The following CDH4 variants were observed in gnomAD, a reference collection of about 807,000 sequenced individuals.
CDH4 encodes the protein cadherin 4, also known as cadherin-4.
Under a neutral mutation model 86.0 loss-of-function variants are expected in CDH4, and 33 were observed. That is an observed-to-expected ratio of 0.38 (90% CI 0.29 to 0.51). The LOEUF (loss-of-function observed/expected upper bound fraction) is 0.51. CDH4 is among the 20% of genes least tolerant of loss of function. CDH4 has a pLI of 0.86. For synonymous variants in CDH4, 555 were observed against 549.4 expected (o/e 1.01, Z -0.14); for missense variants, 1,114 against 1,307.4 (o/e 0.85, Z 2.28).
At chr20:61,425,781 A>T (rs1163490307) in intron 2 of CDH4, among the ~76,000 whole-genome samples, 7 of 151,356 alleles carry the variant, frequency 4.6e-5, no homozygotes, top group Admixed American at 3.9e-4. Context: ...CGCCCAGGGC[A>T]GGATGGCCAA....
rs2087509965 is a variant in CDH4, at chr20:61,681,266, T to C, written c.170-62297T>C. 1.3e-5 allele frequency among the ~76,000 whole-genome samples: 2 copies of C among 152,214 alleles called. No homozygotes were observed. The highest frequency in any genetic ancestry group is 6.5e-5 in the Admixed American group (1 of 15,286). On this transcript the variant is annotated intron_variant, in intron 2 of 15. Coordinates refer to ENST00000614565, the MANE Select transcript of CDH4 (RefSeq NM_001794.5). The surrounding 1 kb of genome is among the most constrained non-coding windows in gnomAD (Gnocchi z 4.5). Reference sequence around the variant, plus strand: ...TACCTACAAATTGTATACAGTGCTTTAGGACTAAGTAGCTTTTTGCAAGGC... The same window carrying C: ...TACCTACAAATTGTATACAGTGCTTCAGGACTAAGTAGCTTTTTGCAAGGC...
intron 2 of CDH4, among the ~76,000 whole-genome samples, chr20:61,514,154 TTC>T (rs1322869126): frequency 2.0e-5 from 3 of 152,208 alleles, no homozygotes; most frequent in African/African-American, 7.2e-5. Flanking sequence ...GATCCAGCGA[TTC>T]TCTGATTTGC....
At chr20:61,525,604 G>A (rs564066043) in intron 2 of CDH4, among the ~76,000 whole-genome samples, 4 of 152,312 alleles carry the variant, frequency 2.6e-5, no homozygotes, top group Admixed American at 6.5e-5. Flanking sequence ...GAGGGGAAAC[G>A]GATTGATCAG....
At chr20:61,755,856 C>T (rs58215916) in intron 3 of CDH4, among the ~76,000 whole-genome samples, 11,114 of 152,238 alleles carry the variant, frequency 0.073, 500 homozygotes, top group South Asian at 0.22. Context: ...GAAACACATG[C>T]GCAGGTGTTG....
At chr20:61,424,835 G>A (rs998267246) in intron 2 of CDH4, among the ~76,000 whole-genome samples, 1 of 152,252 alleles carries the variant, frequency 6.6e-6, no homozygotes, top group African/African-American at 2.4e-5. Context: ...GCCCCCCACA[G>A]AGCAAGGCTT....
intron 2 of CDH4, among the ~76,000 whole-genome samples, chr20:61,299,889 G>T (rs78909187): frequency 6.6e-6 from 1 of 152,154 alleles, no homozygotes; most frequent in Non-Finnish European, 1.5e-5. Flanking sequence ...GCACTTCCCC[G>T]GGGGCATGAC....
intron 2 of CDH4, among the ~76,000 whole-genome samples, chr20:61,430,270 C>G (rs760511078): frequency 6.6e-6 from 1 of 152,196 alleles, no homozygotes; most frequent in African/African-American, 2.4e-5. Context: ...GCCTTCAGGG[C>G]CCTGCAGAGT....
rs1979839810 is a variant in CDH4, at chr20:61,801,711, C to T, written c.576+28529C>T. The stretch of plus-strand genomic sequence containing the variant: ...GCCCCACCTCTGTGGCTCCTGGCCC[C>T]TTGCTCTGTCTTCAAGGGCAGCAGC... On this transcript the variant is annotated intron_variant, in intron 4 of 15. Coordinates refer to ENST00000614565, the MANE Select transcript of CDH4 (RefSeq NM_001794.5). Among the ~76,000 whole-genome samples the T allele has an allele frequency of 2.0e-5, 3 of 152,334 alleles. No individual in the cohort carries two copies. In the East Asian group the frequency reaches 5.8e-4, roughly 29 times the overall value.
rs779404060 is a variant in CDH4, at chr20:61,936,825, G to C, written c.2633G>C (p.Gly878Ala). The change falls in exon 16 of 16, where the codon GGC becomes GCC. Residue 878 changes from glycine (G) to alanine (A), a missense_variant. Gly to Ala is a moderately conservative substitution (Grantham distance 60, BLOSUM62 0). Around this residue, in one of 3 missense-constraint regions of CDH4, gnomAD observed 188 missense variants for 183.8 expected, o/e 1.02. Transcript: ENST00000614565. Reference sequence around the variant, plus strand: ...TACGAGGGGAGCGGCTCCACCGCAGGCTCCGTCAGCTCCCTGAACTCATCC... The same window carrying C: ...TACGAGGGGAGCGGCTCCACCGCAGCCTCCGTCAGCTCCCTGAACTCATCC... ...FDYEGSGSTA[G>A]SVSSLNSSSS... 1.7e-5 allele frequency: 27 copies of C among 1,610,756 alleles called. No homozygotes were observed. Among genetic ancestry groups the C allele is most frequent in the South Asian group, 5.5e-5 (5 of 90,666 alleles).
rs190180436 is a variant in CDH4 at position 61,851,188 on chromosome 20, G to A, written c.733-1566G>A. Among the ~76,000 whole-genome samples, 19 of 152,320 alleles carry A rather than the reference G, an allele frequency of 1.2e-4. No homozygotes were observed. In the East Asian group the frequency reaches 1.5e-3, roughly 12 times the overall value. On this transcript the variant is annotated intron_variant, in intron 5 of 15. Transcript: ENST00000614565. ...GATATGTAAAGCTGACCTGGCGTGCGTGCAGCCACATCTCGCGTGGCAGTC... is the reference window on the plus strand; with the variant it reads ...GATATGTAAAGCTGACCTGGCGTGCATGCAGCCACATCTCGCGTGGCAGTC...
intron 2 of CDH4, among the ~76,000 whole-genome samples, chr20:61,286,130 T>C (rs1353482649): frequency 2.0e-5 from 3 of 152,194 alleles, no homozygotes; most frequent in African/African-American, 7.2e-5. Context: ...TTGGCCAAGG[T>C]GAGCATTCAT....
rs764312120 is a variant in CDH4, at chr20:61,929,827, A to G, written c.2224A>G (p.Ile742Val). The change falls in exon 13 of 16, where the codon ATC becomes GTC. Residue 742 changes from isoleucine (I) to valine (V), a missense_variant. Physicochemically the swap from Ile to Val is conservative, Grantham distance 29. Transcript: ENST00000614565. ...TGAIVAILIC[I>V]LILLTMVLLF... ...TGCCATCGTGGCCATCCTCATCTGC[A>G]TCCTCATCCTGCTGAGTGAGTGTGG... 8.7e-6 allele frequency: 14 copies of G among 1,613,736 alleles called. No individual in the cohort carries two copies. Among genetic ancestry groups the G allele is most frequent in the Non-Finnish European group, 1.2e-5 (14 of 1,179,820 alleles).
At chr20:61,273,425 AGTTTGGGGGAGGACCATGTG>A (rs1568776170) in intron 2 of CDH4, among the ~76,000 whole-genome samples, 153 of 71,216 alleles carry the variant, frequency 2.1e-3, no homozygotes, top group Middle Eastern at 0.015. Context: ...TACCATGTGC[AGTTTGGGGGAGGACCATGTG>A]CAGTTTGGGG....
At chr20:61,736,687 C>G (rs887035419) in intron 2 of CDH4, among the ~76,000 whole-genome samples, 6 of 151,862 alleles carry the variant, frequency 4.0e-5, no homozygotes, top group African/African-American at 1.2e-4. Flanking sequence ...GAGGAGCAAG[C>G]TGCCCTTCTT....
At chr20:61,785,546 C>T (rs918036445) in intron 4 of CDH4, among the ~76,000 whole-genome samples, 6 of 152,184 alleles carry the variant, frequency 3.9e-5, no homozygotes, top group Non-Finnish European at 5.9e-5. Context: ...CCACCAGGTG[C>T]ACAGAGCCCT....
At chr20:61,437,562 A>C (rs1237611247) in intron 2 of CDH4, 1 of 152,220 alleles carries the variant, frequency 6.6e-6, no homozygotes, top group African/African-American at 2.4e-5. Flanking sequence ...TTTCAGCAGC[A>C]CACACCGCCC....
Position 61,844,764 on chromosome 20 carries a change from A to G in CDH4, c.673A>G (p.Met225Val), listed in dbSNP as rs751284559. The part of the protein sequence containing the change: ...PPMEVFSIDS[M>V]SGRMYVTRPM... The stretch of plus-strand genomic sequence containing the variant: ...CATGGAGGTCTTCAGCATTGACTCC[A>G]TGTCCGGCCGGATGTACGTCACAAG... The change falls in exon 5 of 16, where the codon ATG (methionine) becomes GTG (valine). Residue 225 changes from methionine (M) to valine (V), a missense_variant. By Grantham distance (21) the Met-to-Val change is conservative. This residue lies in a region of CDH4 where 705 missense variants were observed against 914.1 expected (regional missense o/e 0.77). Transcript: ENST00000614565. The G allele has an allele frequency of 3.1e-6, 5 of 1,613,982 alleles. No individual in the cohort carries two copies. Among genetic ancestry groups the G allele is most frequent in the Non-Finnish European group, 4.2e-6 (5 of 1,179,916 alleles).
intron 2 of CDH4, among the ~76,000 whole-genome samples, chr20:61,672,872 C>T (rs1937760923): frequency 6.6e-6 from 1 of 151,962 alleles, no homozygotes; most frequent in African/African-American, 2.4e-5. Flanking sequence ...GAGGCGCAGG[C>T]CTGAGGGGAG....
chr20:61,808,459 A>G (rs1366387939), intron 4 of CDH4, among the ~76,000 whole-genome samples: 1 of 152,060 alleles, frequency 6.6e-6, no homozygotes, highest in South Asian at 2.1e-4. Flanking sequence ...TGTAGACTTC[A>G]TTTTGAGTCT....
Sources: allele counts gnomAD v4.1 joint callset (sites outside exome capture counted in the v4.1 genomes callset), GRCh38; gene constraint gnomAD v4.1.1; regional missense constraint gnomAD v4.1.1; non-coding constraint Gnocchi (gnomAD v3.1); transcripts MANE v1.5; gene names NCBI Gene and HGNC (gene_info 2026-07-23, HGNC 2026-07-21).